The following AGMAT variants were observed in gnomAD, a reference collection of about 807,000 sequenced individuals.
AGMAT encodes guanidino acid hydrolase, mitochondrial.
Under a neutral mutation model 29.3 loss-of-function variants are expected in AGMAT, and 37 were observed. The ratio of observed to expected loss-of-function variants is 1.26; its 90% CI spans 0.97 to 1.66. The LOEUF is 1.66. Ranked by LOEUF, AGMAT falls within the 40% of genes most tolerant of loss-of-function variation. AGMAT has a pLI of 0.00. For synonymous variants in AGMAT, 199 were observed against 200.8 expected (o/e 0.99, Z 0.08); for missense variants, 498 against 497.8 (o/e 1.00, Z 0.00).
At position 15,584,731 on chromosome 1, in the gene AGMAT, G is replaced by C. The variant is rs1431308865; in HGVS notation, c.237C>G (p.Pro79=). 7.4e-7 allele frequency: 1 copy of C among 1,346,378 alleles called. No homozygotes were observed. The highest frequency in any genetic ancestry group is 9.6e-7 in the Non-Finnish European group (1 of 1,043,644). 83.4% of individuals were successfully genotyped at this position (1,346,378 alleles called of 1,614,324 possible). A position where few individuals can be genotyped will look rare whatever the true frequency, so the allele number is the denominator to read the frequency against. The change falls in exon 1 of 7, where the codon CCC becomes CCG. Residue 79 remains proline, a synonymous_variant. Coordinates refer to ENST00000375826, the MANE Select transcript of AGMAT (RefSeq NM_024758.5). The part of the protein sequence containing the change: ...EGLDAAFIGV[P]LDTGTSNRPG... ...GCCGGTTGGAGGTCCCAGTATCCAG[G>C]GGCACCCCGATGAAGGCAGCGTCCA...
At chr1:15,574,269 G>C (rs1016751915) in intron 6 of AGMAT, among the ~76,000 whole-genome samples, 1 of 151,934 alleles carries the variant, frequency 6.6e-6, no homozygotes, top group African/African-American at 2.4e-5. Flanking sequence ...CCTCCTGGGG[G>C]TTTTGTTAGG....
At chr1:15,581,127 C>T (rs933974740) in intron 2 of AGMAT, among the ~76,000 whole-genome samples, 7 of 152,094 alleles carry the variant, frequency 4.6e-5, no homozygotes, top group African/African-American at 1.2e-4. Flanking sequence ...ACAAGCAGAT[C>T]GCCTGAGCCC....
chr1:15,584,445 G>A (rs934323086), intron 1 of AGMAT, among the ~76,000 whole-genome samples: 3 of 151,990 alleles, frequency 2.0e-5, no homozygotes, highest in Non-Finnish European at 4.4e-5. Context: ...CCACCGGGCC[G>A]GCCAAAATCC....
intron 5 of AGMAT, chr1:15,575,842 T>G (rs1003767426): frequency 6.6e-6 from 1 of 152,086 alleles, no homozygotes; most frequent in Non-Finnish European, 1.5e-5. Flanking sequence ...AGGCTTGACC[T>G]GCCAGGCTCA....
rs530542407 is a variant in AGMAT at position 15,577,434 on chromosome 1, G to T, written c.900+251C>A. The stretch of plus-strand genomic sequence containing the variant: ...CTAAAAATACAAAAATTAGCCGGGC[G>T]TAGTGGCATGTGCCTGTAATCTCAG... On this transcript the variant is annotated intron_variant, in intron 5 of 6. Coordinates refer to ENST00000375826, the MANE Select transcript of AGMAT (RefSeq NM_024758.5). Among the ~76,000 whole-genome samples, 26 of 152,248 alleles carry T rather than the reference G, an allele frequency of 1.7e-4. No homozygotes were observed. The East Asian group carries it at 1.9e-3, about 11-fold the overall frequency.
chr1:15,584,059 G>A (rs1006073178), intron 1 of AGMAT, among the ~76,000 whole-genome samples: 2 of 152,216 alleles, frequency 1.3e-5, no homozygotes, highest in Non-Finnish European at 2.9e-5. Context: ...GTAAGCTGGG[G>A]AGAGGAGAGG....
intron 5 of AGMAT, 104 bp from the exon 6 acceptor site, chr1:15,574,945 G>C: frequency 1.2e-6 from 1 of 859,726 alleles, no homozygotes; most frequent in South Asian, 1.4e-5. Context: ...CTTGGAATTG[G>C]CTTTCCCTCC....
chr1:15,582,446 A>C (rs898678476), intron 2 of AGMAT, among the ~76,000 whole-genome samples: 2 of 152,198 alleles, frequency 1.3e-5, no homozygotes, highest in South Asian at 2.1e-4. Flanking sequence ...GGAGAAGTGC[A>C]GCTGAGACTT....
chr1:15,584,181 T>G (rs1157741175), intron 1 of AGMAT, among the ~76,000 whole-genome samples: 2 of 152,204 alleles, frequency 1.3e-5, no homozygotes. Flanking sequence ...CTCACTCTGT[T>G]GCCCAGGCTG....
At chr1:15,578,243 G>A (rs566552214) in intron 4 of AGMAT, among the ~76,000 whole-genome samples, 3 of 152,068 alleles carry the variant, frequency 2.0e-5, no homozygotes, top group Non-Finnish European at 4.4e-5. Flanking sequence ...TAGAGGGTAC[G>A]AGGACCAGAA....
rs564769681 is a variant in AGMAT, at chr1:15,580,300, G to A, written c.476-158C>T. On this transcript the variant is annotated intron_variant, in intron 2 of 6. Transcript: ENST00000375826. ...GGCTCACTGCAACCTCTGCCTCCCAGGTTCAAGCGATTCTCCTGCCTCAGC... is the reference window on the plus strand; with the variant it reads ...GGCTCACTGCAACCTCTGCCTCCCAAGTTCAAGCGATTCTCCTGCCTCAGC... 6.0e-4 allele frequency among the ~76,000 whole-genome samples: 88 copies of A among 145,790 alleles called. 1 individual carries two copies. The highest frequency in any genetic ancestry group is 2.2e-3 in the African/African-American group (86 of 38,392).
At position 15,573,424 on chromosome 1, in the gene AGMAT, G is replaced by A. The variant is rs565118624; in HGVS notation, c.*227C>T. ...TTTCATCAAAGGAAAAAAAATCAAA[G>A]CAGTACAAGTACTCCTTTTTTTTTC... On this transcript the variant is annotated 3_prime_UTR_variant, in exon 7 of 7. Transcript: ENST00000375826. The A allele has an allele frequency of 9.4e-5, 42 of 445,230 alleles. No individual in the cohort carries two copies. In the South Asian group the frequency reaches 1.4e-3, roughly 15 times the overall value. The allele number at this position is 445,230 out of a possible 1,614,324, so 27.6% of individuals were successfully genotyped here. A position where few individuals can be genotyped will look rare whatever the true frequency, so the allele number is the denominator to read the frequency against.
In AGMAT at chr1:15,577,751, G is replaced by A. The variant is rs148750290; in HGVS notation, c.834C>T (p.Asp278=). The change falls in exon 5 of 7, where the codon GAC becomes GAT. Residue 278 remains aspartate, a synonymous_variant. Transcript: ENST00000375826. ...CTGGCGCATAGGCAGGATCCAGAGC[G>A]TCAATATCAAAGCTGATATAAATGG... is the stretch of plus-strand genomic sequence containing the variant. ...GKPIYISFDI[D]ALDPAYAPGT... The A allele has an allele frequency of 8.5e-4, 1,370 of 1,614,146 alleles. 16 individuals carry two copies. In the East Asian group the frequency reaches 0.023, roughly 28 times the overall value.
In AGMAT at chr1:15,585,006, G is replaced by T; in HGVS notation, c.-39C>A. ...CAAGACCTCACCGACCAAACCGCCC[G>T]CGAGGCCGCCGCGATCTGGCTGGTC... On this transcript the variant is annotated 5_prime_UTR_variant, in exon 1 of 7. Coordinates refer to ENST00000375826, the MANE Select transcript of AGMAT (RefSeq NM_024758.5). The T allele has an allele frequency of 7.8e-7, 1 of 1,279,806 alleles. No individual in the cohort carries two copies. The highest frequency in any genetic ancestry group is 9.8e-7 in the Non-Finnish European group (1 of 1,016,492). The allele number at this position is 1,279,806 out of a possible 1,614,324, so 79.3% of individuals were successfully genotyped here.
Position 15,584,902 on chromosome 1 carries a change from G to C in AGMAT, c.66C>G (p.Ala22=). 7.2e-7 allele frequency: 1 copy of C among 1,393,128 alleles called. No individual in the cohort carries two copies. 86.3% of individuals were successfully genotyped at this position (1,393,128 alleles called of 1,614,324 possible). Residue 22 remains alanine (A), a synonymous_variant, in exon 1 of 7, where the codon GCC becomes GCG. Coordinates refer to ENST00000375826, the MANE Select transcript of AGMAT (RefSeq NM_024758.5). ...GGCGCCCCGGATGAAAGAGCCCTGCGGCAGGACGCGCGCCCACGCCGGGCC... is the reference window on the plus strand; with the variant it reads ...GGCGCCCCGGATGAAAGAGCCCTGCCGCAGGACGCGCGCCCACGCCGGGCC... The part of the protein sequence containing the change: ...GPGPGVGARP[A]AGLFHPGRRQ...
At chr1:15,575,691 G>C (rs1244287782) in intron 5 of AGMAT, 1 of 152,042 alleles carries the variant, frequency 6.6e-6, no homozygotes, top group Non-Finnish European at 1.5e-5. Flanking sequence ...TAAAACTCTT[G>C]AGCTTACCTT....
chr1:15,577,140 T>C (rs999713413), intron 5 of AGMAT, among the ~76,000 whole-genome samples: 5 of 151,974 alleles, frequency 3.3e-5, no homozygotes, highest in Non-Finnish European at 5.9e-5. Context: ...GAAGAGCAAA[T>C]AAAGGACAAA....
chr1:15,579,436 C>T (rs1639083257), intron 3 of AGMAT, among the ~76,000 whole-genome samples: 1 of 152,138 alleles, frequency 6.6e-6, no homozygotes, highest in Non-Finnish European at 1.5e-5. Context: ...TCCATAACCT[C>T]CATCAACCCC....
At chr1:15,579,090 C>G (rs1409682192) in intron 3 of AGMAT, 36 bp from the exon 4 acceptor site, 1 of 1,595,824 alleles carries the variant, frequency 6.3e-7, no homozygotes, top group African/African-American at 1.3e-5. Flanking sequence ...GCCAACCCTC[C>G]CTGTGGGGCC....
Sources: allele counts gnomAD v4.1 joint callset (sites outside exome capture counted in the v4.1 genomes callset), GRCh38; gene constraint gnomAD v4.1.1; transcripts MANE v1.5; gene names NCBI Gene and HGNC (gene_info 2026-07-23, HGNC 2026-07-21).